Variants in DNAH5 observed in about 807,000 individuals in gnomAD.
The protein encoded by DNAH5 is axonemal beta dynein heavy chain 5.
A neutral mutation model predicts 518.2 loss-of-function variants in DNAH5; 372 were observed. The ratio of observed to expected loss-of-function variants is 0.72; its 90% CI spans 0.66 to 0.78. The LOEUF is 0.78. Among genes scored for constraint, DNAH5 ranks in the 30% least tolerant of loss-of-function variants. DNAH5 has a pLI of 0.00. For synonymous variants in DNAH5, 2,039 were observed against 2,025.9 expected (o/e 1.01, Z -0.17); for missense variants, 5,523 against 5,687.0 (o/e 0.97, Z 0.93).
chr5:13,876,770 T>TG lies in DNAH5; in HGVS notation c.3309dup (p.Lys1104GlnfsTer5). 1.2e-6 allele frequency: 2 copies of TG among 1,613,902 alleles called. No individual in the cohort carries two copies. Among genetic ancestry groups the TG allele is most frequent in the South Asian group, 2.2e-5 (2 of 91,080 alleles). On this transcript the variant is annotated frameshift_variant, in exon 22 of 79. Transcript: ENST00000265104. LOFTEE classifies it high-confidence loss of function. Reference sequence around the variant, plus strand: ...TCAGAAACATTCTTATAATAGTTCTTGGTTTGCACGGGAATGGGTAAATTT... The same window carrying TG: ...TCAGAAACATTCTTATAATAGTTCTTGGGTTTGCACGGGAATGGGTAAATTT...
chr5:13,699,874 C>T (rs916203074), intron 78 of DNAH5, among the ~76,000 whole-genome samples: 5 of 152,182 alleles, frequency 3.3e-5, no homozygotes, highest in South Asian at 2.1e-4. Context: ...GGAATTCCCT[C>T]GTGTGCTGAA....
chr5:13,837,955 C>T (rs1005907312), intron 35 of DNAH5, among the ~76,000 whole-genome samples: 7 of 152,078 alleles, frequency 4.6e-5, no homozygotes, highest in Admixed American at 4.6e-4. Context: ...CCACTTCGGC[C>T]TCCCAAAGCG....
chr5:13,884,861 G>T, intron 19 of DNAH5, 128 bp downstream of exon 19: 2 of 1,387,526 alleles, frequency 1.4e-6, no homozygotes, highest in South Asian at 1.4e-5. Flanking sequence ...AAAAAAAGAT[G>T]AATATTTTTA....
chr5:13,917,320 ACTG>A (rs1312936082), intron 7 of DNAH5, 64 bp from the exon 8 acceptor site: 46 of 1,209,908 alleles, frequency 3.8e-5, no homozygotes, highest in Non-Finnish European at 5.5e-5. Flanking sequence ...CAACACAACC[ACTG>A]CTAAGAGTCA....
chr5:13,902,220 T>C, intron 12 of DNAH5, 82 bp from the exon 13 acceptor site: 1 of 1,011,294 alleles, frequency 9.9e-7, no homozygotes, highest in South Asian at 1.4e-5. Flanking sequence ...CTTTCCATTC[T>C]GTGCAAACAC....
chr5:13,971,059 C>T (rs1223384963), intron 1 of DNAH5, among the ~76,000 whole-genome samples: 2 of 151,976 alleles, frequency 1.3e-5, no homozygotes, highest in African/African-American at 4.8e-5. Flanking sequence ...CTTTCTTCTA[C>T]TTGTTTTATT....
chr5:13,858,634 A>G lies in DNAH5; in HGVS notation c.4950+818T>C, dbSNP rs367928169. On this transcript the variant is annotated intron_variant, in intron 30 of 78. Coordinates refer to ENST00000265104, the MANE Select transcript of DNAH5 (RefSeq NM_001369.3). ...AAGAAGATGAAAAACATGCACAAATACAAATCAAAAATAAAGTAAAATTTT... is the reference window on the plus strand; with the variant it reads ...AAGAAGATGAAAAACATGCACAAATGCAAATCAAAAATAAAGTAAAATTTT... 2.6e-5 allele frequency among the ~76,000 whole-genome samples: 4 copies of G among 152,342 alleles called. No individual in the cohort carries two copies. The East Asian group carries it at 5.8e-4, about 22-fold the overall frequency.
chr5:13,725,798 G>T (rs986263126), intron 70 of DNAH5, among the ~76,000 whole-genome samples: 1 of 152,156 alleles, frequency 6.6e-6, no homozygotes, highest in South Asian at 2.1e-4. Context: ...GGCATTACAG[G>T]TGCCACCACC....
chr5:13,950,651 GTGAATGAAGA>G (rs1289796453), intron 1 of DNAH5, among the ~76,000 whole-genome samples: 2 of 152,176 alleles, frequency 1.3e-5, no homozygotes, highest in Non-Finnish European at 2.9e-5. Flanking sequence ...CTCATGGGTT[GTGAATGAAGA>G]CATGTAAATT....
intron 22 of DNAH5, among the ~76,000 whole-genome samples, chr5:13,874,290 C>T (rs1770553438): frequency 6.6e-6 from 1 of 152,152 alleles, no homozygotes; most frequent in African/African-American, 2.4e-5. Context: ...GAATCCAGAG[C>T]TCTCTCACCA....
intron 31 of DNAH5, among the ~76,000 whole-genome samples, chr5:13,849,265 T>TGCTG (rs1766481690): frequency 6.6e-6 from 1 of 152,242 alleles, no homozygotes; most frequent in African/African-American, 2.4e-5. Flanking sequence ...TCACGTTTTA[T>TGCTG]GCTGCCCAAT....
intron 60 of DNAH5, among the ~76,000 whole-genome samples, chr5:13,760,945 A>AT (rs1751686215): frequency 1.3e-5 from 2 of 152,336 alleles, no homozygotes; most frequent in South Asian, 4.1e-4. Context: ...AACAGCATGT[A>AT]TTTTTCGGAC....
chr5:13,829,904 A>ATTC, intron 37 of DNAH5, 122 bp downstream of exon 37: 1 of 458,744 alleles, frequency 2.2e-6, no homozygotes. Context: ...AAGGTTTTCA[A>ATTC]AAGGAGGTAA....
chr5:13,880,824 C>A (rs1406171612), intron 21 of DNAH5, among the ~76,000 whole-genome samples: 1 of 151,778 alleles, frequency 6.6e-6, no homozygotes, highest in Non-Finnish European at 1.5e-5. Flanking sequence ...AAGTCTGTAC[C>A]TATCAACAAT....
chr5:13,798,827 T>G (rs1032428579), intron 47 of DNAH5, among the ~76,000 whole-genome samples: 2 of 151,652 alleles, frequency 1.3e-5, no homozygotes, highest in African/African-American at 4.8e-5. Context: ...CAGGCTGGAG[T>G]GCAATGTTGG....
rs150557551 is a variant in DNAH5 at position 13,925,664 on chromosome 5, C to T, written c.278-2224G>A. ...TGAGACCTATTCACTATCACCAGAA[C>T]AGCACAGGAAAGACCCGCCTCCATA... On this transcript the variant is annotated intron_variant, in intron 3 of 78. Coordinates refer to ENST00000265104, the MANE Select transcript of DNAH5 (RefSeq NM_001369.3). 1.2e-3 allele frequency among the ~76,000 whole-genome samples: 190 copies of T among 152,286 alleles called. 1 individual carries two copies. The highest frequency in any genetic ancestry group is 4.4e-3 in the African/African-American group (183 of 41,536).
At position 13,829,517 on chromosome 5, in the gene DNAH5, G is replaced by A; in HGVS notation, c.6437C>T (p.Ser2146Phe). Residue 2146 changes from serine (S) to phenylalanine (F), a missense_variant, in exon 38 of 79, where the codon TCT becomes TTT. Physicochemically the swap from Ser to Phe is radical, Grantham distance 155 (BLOSUM62 -2). Around this residue, in one of 3 missense-constraint regions of DNAH5, gnomAD observed 5,121 missense variants for 5,223.3 expected, o/e 0.98. Transcript: ENST00000265104. ...ACCTCCAGGATGACACACCTGCTTA[G>A]AAAGCTGCTCCTCACACAGTTTGTA... ...TLYKLCEEQL[S>F]KQVHYDFGLR... The A allele has an allele frequency of 6.2e-7, 1 of 1,614,150 alleles. No homozygotes were observed. Among genetic ancestry groups the A allele is most frequent in the South Asian group, 1.1e-5 (1 of 91,082 alleles).
At chr5:14,002,611 T>C (rs181724480) in intron 1 of DNAH5, among the ~76,000 whole-genome samples, 77 of 145,278 alleles carry the variant, frequency 5.3e-4, no homozygotes, top group Non-Finnish European at 8.9e-4. Context: ...ATTATAAACA[T>C]AGATCCATAT....
At chr5:13,705,424 T>C (rs1432417297) in intron 76 of DNAH5, among the ~76,000 whole-genome samples, 1 of 152,218 alleles carries the variant, frequency 6.6e-6, no homozygotes, top group African/African-American at 2.4e-5. Flanking sequence ...CATACATATC[T>C]TTCAAAACAA....
Sources: allele counts gnomAD v4.1 joint callset (sites outside exome capture counted in the v4.1 genomes callset), GRCh38; gene constraint gnomAD v4.1.1; regional missense constraint gnomAD v4.1.1; transcripts MANE v1.5; gene names NCBI Gene and HGNC (gene_info 2026-07-23, HGNC 2026-07-21).